The following CDC45 variants were observed in gnomAD, a reference collection of about 807,000 sequenced individuals.
CDC45 encodes cell division control protein 45 homolog.
A neutral mutation model predicts 77.8 loss-of-function variants in CDC45; 54 were observed. The observed-to-expected ratio is 0.69, with a 90% confidence interval of 0.56 to 0.87. The LOEUF (loss-of-function observed/expected upper bound fraction) is 0.87. Ranked by LOEUF, CDC45 falls within the 40% of genes least tolerant of loss-of-function variation. The pLI is 0.00. For synonymous variants in CDC45, 260 were observed against 272.1 expected (o/e 0.96, Z 0.44); for missense variants, 649 against 721.6 (o/e 0.90, Z 1.15).
At position 19,494,352 on chromosome 22, in the gene CDC45, G is replaced by A; in HGVS notation, c.512G>A (p.Arg171Lys). 6.2e-7 allele frequency: 1 copy of A among 1,613,192 alleles called. No homozygotes were observed. The highest frequency in any genetic ancestry group is 8.5e-7 in the Non-Finnish European group (1 of 1,180,010). The change falls in exon 6 of 19, where the codon AGG becomes AAG. Residue 171 changes from arginine to lysine, a missense_variant. Transcript: ENST00000263201. ...EEEIVEQTMR[R>K]RQRREWEARR... ...GAGATAGTGGAGCAAACCATGCGGA[G>A]GAGGCAGCGGCGAGAGTGGGAGGCC...
chr22:19,512,719 TGTCTTCTTTC>T (rs1343240921), intron 13 of CDC45, among the ~76,000 whole-genome samples: 3 of 152,204 alleles, frequency 2.0e-5, no homozygotes, highest in Non-Finnish European at 4.4e-5. Flanking sequence ...AACATATTTA[TGTCTTCTTTC>T]ATCACTAGTA....
intron 13 of CDC45, among the ~76,000 whole-genome samples, chr22:19,509,279 G>T (rs574743425): frequency 6.6e-6 from 1 of 152,324 alleles, no homozygotes; most frequent in African/African-American, 2.4e-5. Flanking sequence ...AAGAGAGGAG[G>T]CTAAGGGGAC....
chr22:19,510,056 G>A (rs989061379), intron 13 of CDC45, among the ~76,000 whole-genome samples: 3 of 152,144 alleles, frequency 2.0e-5, no homozygotes, highest in African/African-American at 7.2e-5. Flanking sequence ...TGACCTCCCA[G>A]TCTCAAGCAA....
At chr22:19,479,780 G>C (rs2090351216), upstream of CDC45, 3 of 665,826 alleles carry the variant, frequency 4.5e-6, no homozygotes, top group South Asian at 1.7e-5. Context: ...TTTTCTGGCC[G>C]TGAATGGCAG....
chr22:19,506,270 C>T (rs1000990802), intron 10 of CDC45, among the ~76,000 whole-genome samples: 2 of 152,020 alleles, frequency 1.3e-5, no homozygotes, highest in Non-Finnish European at 2.9e-5. Context: ...GCCTGGGGAG[C>T]GGGGTGGAGC....
At chr22:19,512,310 C>G (rs762556169) in intron 13 of CDC45, among the ~76,000 whole-genome samples, 7 of 152,358 alleles carry the variant, frequency 4.6e-5, no homozygotes, top group African/African-American at 1.7e-4. Context: ...TGGGCCGCTG[C>G]TCTCCAGTTG....
chr22:19,494,332 A>G lies in CDC45; in HGVS notation c.492A>G (p.Ile164Met). 2 of 1,612,582 alleles carry G rather than the reference A, an allele frequency of 1.2e-6. No individual in the cohort carries two copies. Among genetic ancestry groups the G allele is most frequent in the Non-Finnish European group, 8.5e-7 (1 of 1,179,858 alleles). The part of the protein sequence containing the change: ...SEKRTRLEEE[I>M]VEQTMRRRQR... Reference sequence around the variant, plus strand: ...TCTCTTTGTCCCTGTATCAGGAGATAGTGGAGCAAACCATGCGGAGGAGGC... The same window carrying G: ...TCTCTTTGTCCCTGTATCAGGAGATGGTGGAGCAAACCATGCGGAGGAGGC... The change falls in exon 6 of 19, where the codon ATA becomes ATG. Residue 164 changes from isoleucine (I) to methionine (M), a missense_variant. By Grantham distance (10) the Ile-to-Met change is conservative (BLOSUM62 1). Coordinates refer to ENST00000263201, the MANE Select transcript of CDC45 (RefSeq NM_003504.5).
chr22:19,491,038 G>T (rs2090146509), intron 5 of CDC45, among the ~76,000 whole-genome samples: 2 of 151,640 alleles, frequency 1.3e-5, no homozygotes, highest in South Asian at 2.1e-4. Context: ...TGTTGGCCAG[G>T]TTCGTCTCAA....
At position 19,489,584 on chromosome 22, in the gene CDC45, C is replaced by T. The variant is rs1328910904; in HGVS notation, c.487-4743C>T. On this transcript the variant is annotated intron_variant, in intron 5 of 18. Transcript: ENST00000263201. ...TTGTATCAATGGCTCATTCCTTTCT[C>T]GTCCATCAGCATTGTGCAGTTTTCA... 3.9e-5 allele frequency among the ~76,000 whole-genome samples: 6 copies of T among 152,264 alleles called. No homozygotes were observed. In the South Asian group the frequency reaches 8.3e-4, roughly 21 times the overall value.
intron 5 of CDC45, among the ~76,000 whole-genome samples, chr22:19,488,766 A>G (rs1029935183): frequency 6.6e-6 from 1 of 152,234 alleles, no homozygotes; most frequent in East Asian, 1.9e-4. Flanking sequence ...CATTACCCGC[A>G]AAAAGTTTCC....
chr22:19,510,654 G>T (rs145689774), intron 13 of CDC45, among the ~76,000 whole-genome samples: 2 of 152,018 alleles, frequency 1.3e-5, no homozygotes, highest in South Asian at 4.2e-4. Flanking sequence ...TCAGCCTACC[G>T]AGTAGCTGGG....
At chr22:19,481,683 T>G (rs1243379658) in intron 3 of CDC45, among the ~76,000 whole-genome samples, 1 of 152,120 alleles carries the variant, frequency 6.6e-6, no homozygotes, top group African/African-American at 2.4e-5. Flanking sequence ...TTTATTTATT[T>G]ATTTTTGAGA....
intron 4 of CDC45, 59 bp from the exon 5 acceptor site, chr22:19,483,801 CAT>C: frequency 6.9e-7 from 1 of 1,457,202 alleles, no homozygotes; most frequent in South Asian, 1.2e-5. Context: ...TGCAGAAGAA[CAT>C]ATTGTATAGT....
chr22:19,494,175 G>A, intron 5 of CDC45, 152 bp from the exon 6 acceptor site: 1 of 690,430 alleles, frequency 1.4e-6, no homozygotes, highest in South Asian at 1.7e-5. Flanking sequence ...CTCTTCCGTA[G>A]GAACAGGCTG....
Position 19,508,498 on chromosome 22 carries a change from G to A in CDC45, c.1056-32G>A. 4 of 1,613,328 alleles carry A rather than the reference G, an allele frequency of 2.5e-6. No homozygotes were observed. The South Asian group carries it at 3.3e-5, about 13-fold the overall frequency. On this transcript the variant is annotated intron_variant, in intron 12 of 18. Coordinates refer to ENST00000263201, the MANE Select transcript of CDC45 (RefSeq NM_003504.5). ...GGCAGTGAGAGCTTGCCCACAATTT[G>A]AGGGTGACAGCTGTGTTTGCTCCCA...
intron 8 of CDC45, among the ~76,000 whole-genome samples, chr22:19,498,857 T>C (rs559462343): frequency 2.2e-4 from 34 of 152,164 alleles, no homozygotes; most frequent in Non-Finnish European, 4.0e-4. Context: ...GAGGTTTTCC[T>C]CCTCTGAGTA....
At chr22:19,510,936 A>G (rs1252832318) in intron 13 of CDC45, among the ~76,000 whole-genome samples, 1 of 152,148 alleles carries the variant, frequency 6.6e-6, no homozygotes, top group Non-Finnish European at 1.5e-5. Context: ...GACAATTATG[A>G]CTAATGCTGC....
Position 19,516,534 on chromosome 22 carries a change from A to G in CDC45, c.1448A>G (p.Asn483Ser). ...LLKSFVCSTK[N>S]RRCKLLPLVM... The stretch of plus-strand genomic sequence containing the variant: ...TGCTCTCCGACTCCATAGACAAAGA[A>G]CCGGCGCTGCAAACTGCTGCCCCTG... The change falls in exon 16 of 19, where the codon AAC becomes AGC. Residue 483 changes from asparagine (N) to serine (S), a missense_variant. Asn to Ser is a conservative substitution (Grantham distance 46). Coordinates refer to ENST00000263201, the MANE Select transcript of CDC45 (RefSeq NM_003504.5). 2 of 1,613,422 alleles carry G rather than the reference A, an allele frequency of 1.2e-6. No homozygotes were observed. Among genetic ancestry groups the G allele is most frequent in the Non-Finnish European group, 1.7e-6 (2 of 1,179,608 alleles).
At chr22:19,492,495 G>A (rs1034568393) in intron 5 of CDC45, among the ~76,000 whole-genome samples, 3 of 151,668 alleles carry the variant, frequency 2.0e-5, no homozygotes, top group East Asian at 1.9e-4. Context: ...GAGGCTTCCC[G>A]GCTTTCATTT....
Sources: allele counts gnomAD v4.1 joint callset (sites outside exome capture counted in the v4.1 genomes callset), GRCh38; gene constraint gnomAD v4.1.1; transcripts MANE v1.5; gene names NCBI Gene and HGNC (gene_info 2026-07-23, HGNC 2026-07-21).